The following MRGPRX2 variants were observed in gnomAD, a reference collection of about 807,000 sequenced individuals.
MRGPRX2 encodes the protein mas-related G protein-coupled receptor member X2.
For synonymous variants in MRGPRX2, 183 were observed against 175.6 expected, an observed-to-expected ratio of 1.04 and a Z score of -0.33; for missense variants, 389 against 404.5, an observed-to-expected ratio of 0.96 and a Z score of 0.33.
chr11:19,057,848 T>C (rs1849633238), intron 1 of MRGPRX2, among the ~76,000 whole-genome samples: 1 of 152,206 alleles, frequency 6.6e-6, no homozygotes, highest in Non-Finnish European at 1.5e-5. Flanking sequence ...CACAAATGTA[T>C]TGAGTAATAT....
intron 1 of MRGPRX2, among the ~76,000 whole-genome samples, chr11:19,057,546 T>TC (rs1169027319): frequency 6.6e-6 from 1 of 152,156 alleles, no homozygotes; most frequent in Non-Finnish European, 1.5e-5. Flanking sequence ...ACCCATTACT[T>TC]CCCCCAGATG....
chr11:19,055,978 G>C lies in MRGPRX2; in HGVS notation c.425C>G (p.Pro142Arg). 2 of 1,614,228 alleles carry C rather than the reference G, an allele frequency of 1.2e-6. No individual in the cohort carries two copies. The highest frequency in any genetic ancestry group is 8.5e-7 in the Non-Finnish European group (1 of 1,180,046). ...ACACACGACCGCTGACAGGTGTCTG[G>C]GGCGGCGGCAGCGATACCAGATGGG... ...LWPIWYRCRR[P>R]RHLSAVVCVL... Residue 142 changes from proline to arginine, a missense_variant, in exon 2 of 2, where the codon CCC becomes CGC. Pro to Arg is a moderately radical substitution (Grantham distance 103). Coordinates refer to ENST00000329773, the MANE Select transcript of MRGPRX2 (RefSeq NM_054030.4).
Position 19,056,029 on chromosome 11 carries a change from G to A in MRGPRX2, c.374C>T (p.Thr125Ile), listed in dbSNP as rs773055141. The A allele has an allele frequency of 2.5e-6, 4 of 1,614,116 alleles. No individual in the cohort carries two copies. The highest frequency in any genetic ancestry group is 3.4e-6 in the Non-Finnish European group (4 of 1,180,056). The change falls in exon 2 of 2, where the codon ACC becomes ATC. Residue 125 changes from threonine (T) to isoleucine (I), a missense_variant. Coordinates refer to ENST00000329773, the MANE Select transcript of MRGPRX2 (RefSeq NM_054030.4). ...CCACAGGACGGACAGGCAGCGCTCG[G>A]TGCTGACGGTGCTCAGCATGCTCAG... ...AGLSMLSTVS[T>I]ERCLSVLWPI... is the part of the protein sequence containing the mutation.
In MRGPRX2 at chr11:19,056,157, CTG is replaced by C; in HGVS notation, c.244_245del (p.Gln82AspfsTer10). ...AGADFLFLCF[Q>X]IINCLVYLSN... ...TGAGGTACACCAGGCAATTTATAAT[CTG>C]GAAGCAGAGGAAGAGGAAGTCGGCC... On this transcript the variant is annotated frameshift_variant, in exon 2 of 2. Transcript: ENST00000329773. LOFTEE classifies it low-confidence loss of function (END_TRUNC). 6.2e-7 allele frequency: 1 copy of C among 1,614,232 alleles called. No homozygotes were observed. Among genetic ancestry groups the C allele is most frequent in the Non-Finnish European group, 8.5e-7 (1 of 1,180,036 alleles).
In MRGPRX2 at chr11:19,056,023, C is replaced by T. The variant is rs748096090; in HGVS notation, c.380G>A (p.Arg127His). ...GATGGGCCACAGGACGGACAGGCAG[C>T]GCTCGGTGCTGACGGTGCTCAGCAT... ...LSMLSTVSTE[R>H]CLSVLWPIWY... Residue 127 changes from arginine to histidine, a missense_variant, in exon 2 of 2, where the codon CGC (arginine) becomes CAC (histidine). Transcript: ENST00000329773. The T allele has an allele frequency of 7.4e-6, 12 of 1,614,072 alleles. No homozygotes were observed. Among genetic ancestry groups the T allele is most frequent in the East Asian group, 2.2e-5 (1 of 44,894 alleles).
chr11:19,054,470 T>C lies in MRGPRX2; in HGVS notation c.*940A>G, dbSNP rs1849593747. 6.6e-6 allele frequency: 1 copy of C among 152,230 alleles called. No individual in the cohort carries two copies. Among genetic ancestry groups the C allele is most frequent in the Non-Finnish European group, 1.5e-5 (1 of 68,030 alleles). 9.4% of individuals were successfully genotyped at this position (152,230 alleles called of 1,614,324 possible). A position where few individuals can be genotyped will look rare whatever the true frequency, so the allele number is the denominator to read the frequency against. ...AGATGCAGCATTTACAATTAGTATT[T>C]TATTCTGTGGAACACGTAACTTTTA... On this transcript the variant is annotated 3_prime_UTR_variant, in exon 2 of 2. Transcript: ENST00000329773.
chr11:19,058,678 G>A (rs1031735932), intron 1 of MRGPRX2, among the ~76,000 whole-genome samples: 10 of 151,876 alleles, frequency 6.6e-5, no homozygotes, highest in South Asian at 2.1e-4. Flanking sequence ...TGCCCGCCTC[G>A]GCCTCCCAAA....
Position 19,056,327 on chromosome 11 carries a change from A to G in MRGPRX2, c.76T>C (p.Cys26Arg). 2 of 1,614,178 alleles carry G rather than the reference A, an allele frequency of 1.2e-6. No individual in the cohort carries two copies. The highest frequency in any genetic ancestry group is 1.7e-6 in the Non-Finnish European group (2 of 1,180,022). ...NGNDQALLLLCGKETLIPVFL... is the reference protein window; with the variant it reads ...NGNDQALLLLRGKETLIPVFL... ...ACCGGGATCAGGGTCTCCTTGCCAC[A>G]AAGCAGAAGAAGGGCTTGGTCATTT... The change falls in exon 2 of 2, where the codon TGT becomes CGT. Residue 26 changes from cysteine (C) to arginine (R), a missense_variant. Physicochemically the swap from Cys to Arg is radical, Grantham distance 180. Coordinates refer to ENST00000329773, the MANE Select transcript of MRGPRX2 (RefSeq NM_054030.4).
chr11:19,059,577 A>C (rs1370301340), intron 1 of MRGPRX2, among the ~76,000 whole-genome samples: 5 of 152,168 alleles, frequency 3.3e-5, no homozygotes, highest in Non-Finnish European at 7.3e-5. Context: ...AGACTAGTCC[A>C]AAGAAGTGAC....
chr11:19,056,771 G>A (rs1849624193), intron 1 of MRGPRX2, among the ~76,000 whole-genome samples: 1 of 152,170 alleles, frequency 6.6e-6, no homozygotes, highest in South Asian at 2.1e-4. Flanking sequence ...ACAGTACTCT[G>A]AGTTCAGGAT....
intron 1 of MRGPRX2, among the ~76,000 whole-genome samples, chr11:19,058,767 C>T (rs796924243): frequency 2.6e-5 from 4 of 152,232 alleles, no homozygotes; most frequent in African/African-American, 9.6e-5. Context: ...TTTTCTTTTA[C>T]TTCCCTCATT....
Position 19,055,963 on chromosome 11 carries a change from G to T in MRGPRX2, c.440C>A (p.Ala147Glu). The change falls in exon 2 of 2, where the codon GCG becomes GAG. Residue 147 changes from alanine (A) to glutamate (E), a missense_variant. By Grantham distance (107) the Ala-to-Glu change is moderately radical. Coordinates refer to ENST00000329773, the MANE Select transcript of MRGPRX2 (RefSeq NM_054030.4). ...YRCRRPRHLS[A>E]VVCVLLWALS... The stretch of plus-strand genomic sequence containing the variant: ...GGCCCAGAGCAGGACACACACGACC[G>T]CTGACAGGTGTCTGGGGCGGCGGCA... 6.2e-7 allele frequency: 1 copy of T among 1,614,188 alleles called. No individual in the cohort carries two copies. Among genetic ancestry groups the T allele is most frequent in the Non-Finnish European group, 8.5e-7 (1 of 1,180,042 alleles).
chr11:19,058,833 T>C (rs1044614214), intron 1 of MRGPRX2, among the ~76,000 whole-genome samples: 1 of 152,318 alleles, frequency 6.6e-6, no homozygotes, highest in African/African-American at 2.4e-5. Context: ...CTCCAACACA[T>C]ATCCCTTGGA....
rs1849595329 is a variant in MRGPRX2 at position 19,054,639 on chromosome 11, G to A, written c.*771C>T. On this transcript the variant is annotated 3_prime_UTR_variant, in exon 2 of 2. Coordinates refer to ENST00000329773, the MANE Select transcript of MRGPRX2 (RefSeq NM_054030.4). ...CAGGACGAATTAGAGAGCCCCCAGA[G>A]AGGGAAGATTAGAACAAAGGCAAAG... The A allele has an allele frequency of 4.6e-5, 7 of 152,202 alleles. No homozygotes were observed. The highest frequency in any genetic ancestry group is 1.5e-5 in the Non-Finnish European group (1 of 68,046). The allele number at this position is 152,202 out of a possible 1,614,324, so 9.4% of individuals were successfully genotyped here.
rs1590039457 is a variant in MRGPRX2 at position 19,056,577 on chromosome 11, T to C, written c.-25-150A>G. 34 of 757,094 alleles carry C rather than the reference T, an allele frequency of 4.5e-5. No individual in the cohort carries two copies. The East Asian group carries it at 8.6e-4, about 19-fold the overall frequency. The allele number at this position is 757,094 out of a possible 1,614,324, so 46.9% of individuals were successfully genotyped here. A position where few individuals can be genotyped will look rare whatever the true frequency, so the allele number is the denominator to read the frequency against. ...TCATTTATTAAGGGCCAGGGAGTCC[T>C]AGCACCTGGATTCAAACTCATTTCT... On this transcript the variant is annotated intron_variant, in intron 1 of 1. Transcript: ENST00000329773.
rs1849601485 is a variant in MRGPRX2 at position 19,055,229 on chromosome 11, G to A, written c.*181C>T. 1 of 623,852 alleles carries A rather than the reference G, an allele frequency of 1.6e-6. No homozygotes were observed. Among genetic ancestry groups the A allele is most frequent in the Non-Finnish European group, 2.7e-6 (1 of 369,590 alleles). 38.6% of individuals were successfully genotyped at this position (623,852 alleles called of 1,614,324 possible). The stretch of plus-strand genomic sequence containing the variant: ...GGCTGTGGTGGAAGCCTGTGAGTAA[G>A]GCAGTTCCAGAGACACTGCACTTAG... On this transcript the variant is annotated 3_prime_UTR_variant, in exon 2 of 2. Coordinates refer to ENST00000329773, the MANE Select transcript of MRGPRX2 (RefSeq NM_054030.4).
rs572320540 is a variant in MRGPRX2, at chr11:19,056,183, C to T, written c.220G>A (p.Ala74Thr). The change falls in exon 2 of 2, where the codon GCC (alanine) becomes ACC (threonine). Residue 74 changes from alanine (A) to threonine (T), a missense_variant. By Grantham distance (58) the Ala-to-Thr change is moderately conservative. Coordinates refer to ENST00000329773, the MANE Select transcript of MRGPRX2 (RefSeq NM_054030.4). ...FSVYVLSLAGADFLFLCFQII... is the reference protein window; with the variant it reads ...FSVYVLSLAGTDFLFLCFQII... ...TGGAAGCAGAGGAAGAGGAAGTCGG[C>T]CCCGGCCAGGCTGAGGACGTAGACA... 6.2e-7 allele frequency: 1 copy of T among 1,614,140 alleles called. No individual in the cohort carries two copies. The highest frequency in any genetic ancestry group is 8.5e-7 in the Non-Finnish European group (1 of 1,179,986).
At position 19,054,736 on chromosome 11, in the gene MRGPRX2, T is replaced by C. The variant is rs1849596202; in HGVS notation, c.*674A>G. 1 of 152,220 alleles carries C rather than the reference T, an allele frequency of 6.6e-6. No homozygotes were observed. Among genetic ancestry groups the C allele is most frequent in the Non-Finnish European group, 1.5e-5 (1 of 68,034 alleles). 9.4% of individuals were successfully genotyped at this position (152,220 alleles called of 1,614,324 possible). ...GTGAAAGGAAACCACAGGAAGACAGTGTACCTCAAACTTTAAATATGTGTT... is the reference window on the plus strand; with the variant it reads ...GTGAAAGGAAACCACAGGAAGACAGCGTACCTCAAACTTTAAATATGTGTT... On this transcript the variant is annotated 3_prime_UTR_variant, in exon 2 of 2. Coordinates refer to ENST00000329773, the MANE Select transcript of MRGPRX2 (RefSeq NM_054030.4).
At chr11:19,058,928 G>A (rs544438418) in intron 1 of MRGPRX2, among the ~76,000 whole-genome samples, 1 of 152,286 alleles carries the variant, frequency 6.6e-6, no homozygotes, top group East Asian at 1.9e-4. Context: ...ATGGTGAAAA[G>A]CAGGTCCAAT....
Sources: allele counts gnomAD v4.1 joint callset (sites outside exome capture counted in the v4.1 genomes callset), GRCh38; gene constraint gnomAD v4.1.1; transcripts MANE v1.5; gene names NCBI Gene and HGNC (gene_info 2026-07-23, HGNC 2026-07-21).